SPAG16: variants seen among roughly 807,000 people sequenced by gnomAD.
SPAG16 encodes sperm-associated antigen 16 protein.
Under a neutral mutation model 80.4 loss-of-function variants are expected in SPAG16, and 86 were observed. The ratio of observed to expected loss-of-function variants is 1.07; its 90% confidence interval spans 0.90 to 1.28. SPAG16 has a LOEUF of 1.28. Among genes scored for constraint, SPAG16 ranks in the 50% most tolerant of loss-of-function variants. The pLI is 0.00. For synonymous variants in SPAG16, 294 were observed against 265.9 expected, an observed-to-expected ratio of 1.11 and a Z score of -1.03; for missense variants, 870 against 765.3, an observed-to-expected ratio of 1.14 and a Z score of -1.61.
chr2:214,356,904 G>A (rs1698845151), intron 15 of SPAG16, among the ~76,000 whole-genome samples: 1 of 151,832 alleles, frequency 6.6e-6, no homozygotes, highest in South Asian at 2.1e-4. Flanking sequence ...GTGGTCATTT[G>A]TATTCTGGAA....
At chr2:214,287,995 T>TG (rs1167428021) in intron 15 of SPAG16, among the ~76,000 whole-genome samples, 1 of 152,140 alleles carries the variant, frequency 6.6e-6, no homozygotes, top group Admixed American at 6.5e-5. Flanking sequence ...CACCCTACTG[T>TG]GCTTTTGAAT....
chr2:213,931,181 G>A (rs975971224), intron 12 of SPAG16, among the ~76,000 whole-genome samples: 1 of 152,068 alleles, frequency 6.6e-6, no homozygotes, highest in African/African-American at 2.4e-5. Context: ...ACAATGATAG[G>A]TGCAAGTTCC....
intron 15 of SPAG16, among the ~76,000 whole-genome samples, chr2:214,404,224 C>T (rs888413330): frequency 6.6e-6 from 1 of 152,176 alleles, no homozygotes; most frequent in Non-Finnish European, 1.5e-5. Context: ...GGACATTATT[C>T]AGTGTCTGAA....
chr2:213,850,614 GAGA>G (rs971636473), intron 10 of SPAG16, among the ~76,000 whole-genome samples: 1 of 152,190 alleles, frequency 6.6e-6, no homozygotes, highest in South Asian at 2.1e-4. Context: ...AGGAAAAGAA[GAGA>G]AGGTTTTATG....
chr2:213,926,910 GC>G (rs1295506473), intron 11 of SPAG16, among the ~76,000 whole-genome samples: 3 of 152,168 alleles, frequency 2.0e-5, no homozygotes, highest in Non-Finnish European at 4.4e-5. Flanking sequence ...TATACCAACA[GC>G]GTGGATCTAC....
intron 11 of SPAG16, among the ~76,000 whole-genome samples, chr2:213,908,268 G>T (rs2077510999): frequency 6.6e-6 from 1 of 152,186 alleles, no homozygotes; most frequent in Admixed American, 6.6e-5. Flanking sequence ...CACAAGGCAT[G>T]GGAGACCTTA....
chr2:213,814,872 A>AATATATATATATATATATAT lies in SPAG16; in HGVS notation c.1071-47595_1071-47594insATATATATATATATATATAT, dbSNP rs34269015. ...TTTTCAAGAGAACATAACAGCCTTA[A>AATATATATATATATATATAT]ATATATATATATATATATCCATAGC... On this transcript the variant is annotated intron_variant, in intron 10 of 15. Transcript: ENST00000331683. Among the ~76,000 whole-genome samples, 95 of 148,240 alleles carry AATATATATATATATATATAT rather than the reference A, an allele frequency of 6.4e-4. 1 individual carries two copies. The highest frequency in any genetic ancestry group is 2.2e-3 in the African/African-American group (90 of 40,318).
At chr2:214,190,565 G>A (rs994742420) in intron 15 of SPAG16, among the ~76,000 whole-genome samples, 1 of 152,006 alleles carries the variant, frequency 6.6e-6, no homozygotes, top group African/African-American at 2.4e-5. Context: ...CCAGCCTGTT[G>A]TATATGATAT....
intron 10 of SPAG16, among the ~76,000 whole-genome samples, chr2:213,757,879 T>C (rs116814892): frequency 4.5e-4 from 69 of 152,164 alleles, no homozygotes; most frequent in Non-Finnish European, 8.8e-4. Context: ...GAGTGGTTAT[T>C]GTTGCACCTC....
At chr2:214,385,681 T>C (rs1439969601) in intron 15 of SPAG16, among the ~76,000 whole-genome samples, 1 of 151,976 alleles carries the variant, frequency 6.6e-6, no homozygotes, top group Non-Finnish European at 1.5e-5. Flanking sequence ...CCGTCTCTAC[T>C]GAAAATACAA....
intron 10 of SPAG16, among the ~76,000 whole-genome samples, chr2:213,860,442 G>T (rs371217628): frequency 3.1e-4 from 33 of 108,098 alleles, no homozygotes; most frequent in East Asian, 5.6e-4. Flanking sequence ...TATATTTATA[G>T]ATATATGTAT....
At chr2:214,090,596 C>T (rs1314482135) in intron 13 of SPAG16, among the ~76,000 whole-genome samples, 1 of 151,856 alleles carries the variant, frequency 6.6e-6, no homozygotes, top group Non-Finnish European at 1.5e-5. Flanking sequence ...CCAGCAGTTG[C>T]TTGTATATAA....
At chr2:214,203,996 G>A (rs866508784) in intron 15 of SPAG16, among the ~76,000 whole-genome samples, 1 of 152,206 alleles carries the variant, frequency 6.6e-6, no homozygotes, top group African/African-American at 2.4e-5. Context: ...TGGGGGCACA[G>A]TGGGAGTGAG....
At chr2:213,705,139 T>C (rs183697668) in intron 10 of SPAG16, among the ~76,000 whole-genome samples, 38 of 151,890 alleles carry the variant, frequency 2.5e-4, no homozygotes, top group African/African-American at 8.9e-4. Flanking sequence ...TCGCAGCTAC[T>C]AGGGAGGCTG....
At chr2:213,790,798 C>G (rs2070650388) in intron 10 of SPAG16, among the ~76,000 whole-genome samples, 1 of 151,968 alleles carries the variant, frequency 6.6e-6, no homozygotes, top group South Asian at 2.1e-4. Context: ...ATGATTTTGT[C>G]ATGGGCCAAT....
chr2:213,832,195 A>C (rs1405589669), intron 10 of SPAG16, among the ~76,000 whole-genome samples: 1 of 151,758 alleles, frequency 6.6e-6, no homozygotes, highest in African/African-American at 2.4e-5. Context: ...ATGGGGTTTC[A>C]TCATCTTGGC....
At chr2:214,218,890 A>T (rs139633567) in intron 15 of SPAG16, among the ~76,000 whole-genome samples, 1 of 152,286 alleles carries the variant, frequency 6.6e-6, no homozygotes, top group Admixed American at 6.5e-5. Flanking sequence ...TTGTTGGGTG[A>T]ACTTCTCCTA....
intron 15 of SPAG16, among the ~76,000 whole-genome samples, chr2:214,343,181 A>G (rs1697822328): frequency 6.6e-6 from 1 of 152,200 alleles, no homozygotes; most frequent in South Asian, 2.1e-4. Flanking sequence ...TAGAAAGAAG[A>G]GGATGTTGTA....
chr2:214,290,391 T>G (rs969661329), intron 15 of SPAG16, among the ~76,000 whole-genome samples: 4 of 130,620 alleles, frequency 3.1e-5, no homozygotes, highest in Middle Eastern at 3.8e-3. Context: ...TGATCTGATA[T>G]TTACTATTTC....
Sources: gnomAD v4.1 joint callset for allele counts (sites outside exome capture counted in the v4.1 genomes callset) on GRCh38, gnomAD v4.1.1 for gene constraint, MANE v1.5 for transcripts, NCBI Gene and HGNC (gene_info 2026-07-23, HGNC 2026-07-21) for gene names.